NBAS: variants seen among roughly 807,000 people sequenced by gnomAD.
The protein encoded by NBAS is NBAS subunit of NRZ tethering complex.
In NBAS, 219 loss-of-function variants were observed where a neutral mutation model predicts 302.5. That is an observed-to-expected ratio of 0.72 (90% CI 0.65 to 0.81). The LOEUF is 0.81. NBAS is among the 30% of genes least tolerant of loss of function. The pLI is 0.00. For missense variants in NBAS, 2,932 were observed against 2,841.6 expected (o/e 1.03, Z -0.72); for synonymous variants, 1,118 against 1,021.6 (o/e 1.09, Z -1.80).
chr2:15,486,889 A>C (rs1376125589), intron 12 of NBAS, among the ~76,000 whole-genome samples: 1 of 152,102 alleles, frequency 6.6e-6, no homozygotes, highest in East Asian at 1.9e-4. Context: ...AATAAGGGCC[A>C]CAAAAAAAGA....
intron 21 of NBAS, among the ~76,000 whole-genome samples, chr2:15,448,298 GCTA>G (rs1347880336): frequency 2.3e-4 from 35 of 152,250 alleles, no homozygotes; most frequent in Admixed American, 1.0e-3. Flanking sequence ...AATTGCTGCT[GCTA>G]CTCCTATAAC....
rs770359572 is a variant in NBAS, at chr2:15,234,702, C to G, written c.5989G>C (p.Glu1997Gln). 5.0e-6 allele frequency: 8 copies of G among 1,614,138 alleles called. No homozygotes were observed. In the Admixed American group the frequency reaches 1.3e-4, roughly 27 times the overall value. ...GCTTCATCATGAAGTTTCTCTTTTT[C>G]TGATCGGGACAGATCATAGAGGTGA... Reference protein sequence around the residue: ...YSHLYDLSRSEKEKLHDEAVA... With the variant: ...YSHLYDLSRSQKEKLHDEAVA... Residue 1997 changes from glutamate to glutamine, a missense_variant, in exon 46 of 52, where the codon GAA (glutamate) becomes CAA (glutamine). Physicochemically the swap from Glu to Gln is conservative, Grantham distance 29. Coordinates refer to ENST00000281513, the MANE Select transcript of NBAS (RefSeq NM_015909.4).
chr2:15,373,245 C>T (rs749478230), intron 31 of NBAS, among the ~76,000 whole-genome samples: 14 of 152,106 alleles, frequency 9.2e-5, no homozygotes, highest in Non-Finnish European at 1.5e-4. Context: ...GATAAAATTG[C>T]TTAAGATACC....
At chr2:14,890,328 T>A in the NBAS span, among the ~76,000 whole-genome samples, 1 of 152,172 alleles carries the variant, frequency 6.6e-6, no homozygotes, top group South Asian at 2.1e-4. Flanking sequence ...AATTTCCATA[T>A]CTTCTACACA....
At chr2:14,945,086 C>T in the NBAS span, among the ~76,000 whole-genome samples, 1 of 152,336 alleles carries the variant, frequency 6.6e-6, no homozygotes, top group Middle Eastern at 3.4e-3. Flanking sequence ...AGTGGCTGTT[C>T]AGCAGCACCA....
At chr2:15,266,973 T>C (rs536318227) in intron 44 of NBAS, among the ~76,000 whole-genome samples, 1 of 152,300 alleles carries the variant, frequency 6.6e-6, no homozygotes, top group Admixed American at 6.5e-5. Context: ...AGTTGCAAAA[T>C]AGTACAGAGA....
At chr2:15,524,408 C>T (rs1391947308) in intron 9 of NBAS, among the ~76,000 whole-genome samples, 2 of 152,200 alleles carry the variant, frequency 1.3e-5, no homozygotes, top group African/African-American at 4.8e-5. Flanking sequence ...TGTGCCTGCA[C>T]TTATTACATG....
intron 25 of NBAS, among the ~76,000 whole-genome samples, chr2:15,408,325 C>G (rs1408776475): frequency 6.6e-6 from 1 of 152,212 alleles, no homozygotes; most frequent in African/African-American, 2.4e-5. Flanking sequence ...CATTTTAACT[C>G]TGATGCTAAA....
chr2:15,056,325 T>C, the NBAS span, among the ~76,000 whole-genome samples: 1 of 152,240 alleles, frequency 6.6e-6, no homozygotes, highest in Non-Finnish European at 1.5e-5. Context: ...ACTGTCCTTC[T>C]CTACAGGAAA....
intron 10 of NBAS, 49 bp from the exon 11 acceptor site, chr2:15,504,262 C>A: frequency 7.0e-7 from 1 of 1,422,638 alleles, no homozygotes; most frequent in Non-Finnish European, 9.9e-7. Flanking sequence ...AATGACTTAT[C>A]GTTGTAAAAT....
At chr2:15,488,362 T>C (rs1446390555) in intron 12 of NBAS, among the ~76,000 whole-genome samples, 1 of 152,200 alleles carries the variant, frequency 6.6e-6, no homozygotes, top group Middle Eastern at 3.2e-3. Flanking sequence ...TAACTAGTGC[T>C]ACTCTGTCAC....
At chr2:15,184,830 T>C (rs1180080232) in intron 50 of NBAS, among the ~76,000 whole-genome samples, 5 of 152,162 alleles carry the variant, frequency 3.3e-5, no homozygotes, top group Non-Finnish European at 2.9e-5. Flanking sequence ...CATAGCCAAC[T>C]TACATTCCTT....
chr2:15,298,793 G>A (rs773390916), intron 40 of NBAS, among the ~76,000 whole-genome samples: 6 of 152,064 alleles, frequency 3.9e-5, no homozygotes, highest in Non-Finnish European at 8.8e-5. Context: ...GCATTTTCAC[G>A]TGATTTTCAT....
the NBAS span, among the ~76,000 whole-genome samples, chr2:14,985,958 A>G: frequency 5.4e-4 from 82 of 152,336 alleles, no homozygotes; most frequent in East Asian, 0.014. Context: ...TAACCACACA[A>G]TCTTCCATGG....
At chr2:15,354,283 C>T (rs1673510228) in intron 33 of NBAS, among the ~76,000 whole-genome samples, 2 of 152,146 alleles carry the variant, frequency 1.3e-5, no homozygotes, top group South Asian at 4.1e-4. Context: ...AGGACAGTGA[C>T]CGAATCACCC....
chr2:15,330,034 G>A (rs2148230788), intron 36 of NBAS, among the ~76,000 whole-genome samples: 1 of 152,314 alleles, frequency 6.6e-6, no homozygotes, highest in South Asian at 2.1e-4. Context: ...GGAAAATAAT[G>A]CCTAATAAGT....
At chr2:15,474,003 T>A in intron 15 of NBAS, 64 bp downstream of exon 15, 1 of 1,599,426 alleles carries the variant, frequency 6.3e-7, no homozygotes, top group East Asian at 2.2e-5. Flanking sequence ...AAAAATTAAC[T>A]TTTTCTCAAT....
chr2:15,192,406 T>G (rs903729063), intron 48 of NBAS, among the ~76,000 whole-genome samples: 1 of 152,088 alleles, frequency 6.6e-6, no homozygotes, highest in Non-Finnish European at 1.5e-5. Context: ...TAGTATAAAT[T>G]ATATTAAATA....
the NBAS span, among the ~76,000 whole-genome samples, chr2:14,836,548 C>T: frequency 6.6e-6 from 1 of 151,872 alleles, no homozygotes; most frequent in Non-Finnish European, 1.5e-5. Flanking sequence ...CTTCCGTGTG[C>T]GTGACTTTTC....
Sources: allele counts gnomAD v4.1 joint callset (sites outside exome capture counted in the v4.1 genomes callset), GRCh38; gene constraint gnomAD v4.1.1; transcripts MANE v1.5; gene names NCBI Gene and HGNC (gene_info 2026-07-23, HGNC 2026-07-21).